RHBDD1: variants seen among roughly 807,000 people sequenced by gnomAD.
RHBDD1 encodes the protein rhomboid-related protein 4.
A neutral mutation model predicts 36.3 loss-of-function variants in RHBDD1; 38 were observed. The ratio of observed to expected loss-of-function variants is 1.05; its 90% CI spans 0.81 to 1.37. The LOEUF (loss-of-function observed/expected upper bound fraction) is 1.37. Among genes scored for constraint, RHBDD1 ranks in the 40% most tolerant of loss-of-function variants. RHBDD1 has a pLI of 0.00. For synonymous variants in RHBDD1, 151 were observed against 136.5 expected (o/e 1.11, Z -0.74); for missense variants, 393 against 377.6 (o/e 1.04, Z -0.34).
chr2:226,834,071 G>A (rs1473509885), upstream of RHBDD1, among the ~76,000 whole-genome samples: 1 of 136,688 alleles, frequency 7.3e-6, no homozygotes, highest in Non-Finnish European at 1.5e-5. Context: ...TTCTTAATCC[G>A]TATATATTTC....
At chr2:226,894,431 T>C (rs974069069) in intron 5 of RHBDD1, among the ~76,000 whole-genome samples, 22 of 152,106 alleles carry the variant, frequency 1.4e-4, no homozygotes, top group African/African-American at 5.1e-4. Context: ...CCACCACACA[T>C]GGCAAATTTT....
chr2:226,914,418 G>A, intron 8 of RHBDD1, 67 bp downstream of exon 8: 8 of 1,507,382 alleles, frequency 5.3e-6, no homozygotes, highest in Non-Finnish European at 6.3e-6. Context: ...CTGAAAAAGA[G>A]CTATTTGTAG....
intron 7 of RHBDD1, among the ~76,000 whole-genome samples, chr2:226,911,999 C>T (rs781144462): frequency 2.0e-5 from 3 of 151,962 alleles, no homozygotes; most frequent in Admixed American, 6.6e-5. Flanking sequence ...CTTTCAAGGA[C>T]GTTCAGTAAA....
chr2:226,961,043 A>C (rs1260912073), intron 8 of RHBDD1, among the ~76,000 whole-genome samples: 5 of 152,162 alleles, frequency 3.3e-5, no homozygotes, highest in Non-Finnish European at 1.5e-5. Context: ...TAAAGCGTAA[A>C]AAGGGGTGGG....
At chr2:226,954,459 A>G (rs1355925639) in intron 8 of RHBDD1, among the ~76,000 whole-genome samples, 3 of 152,352 alleles carry the variant, frequency 2.0e-5, no homozygotes, top group South Asian at 2.1e-4. Flanking sequence ...TAGCTTTCCC[A>G]TGATACAAAT....
chr2:226,936,387 T>C lies in RHBDD1; in HGVS notation c.856+22036T>C, dbSNP rs187459531. Among the ~76,000 whole-genome samples, 3 of 152,220 alleles carry C rather than the reference T, an allele frequency of 2.0e-5. No homozygotes were observed. In the East Asian group the frequency reaches 5.8e-4, roughly 29 times the overall value. ...TGAAATTAGGTTCAATAATTTAAAA[T>C]ATTAACTGAAGCCCAGCCATTGCTT... On this transcript the variant is annotated intron_variant, in intron 8 of 8. Transcript: ENST00000392062.
intron 8 of RHBDD1, among the ~76,000 whole-genome samples, chr2:226,949,272 C>G (rs894763315): frequency 6.6e-6 from 1 of 152,302 alleles, no homozygotes; most frequent in Middle Eastern, 3.4e-3. Context: ...TTAGAAAAAA[C>G]TAAATTTCAT....
At chr2:226,995,167 T>C (rs1428975471) in intron 8 of RHBDD1, among the ~76,000 whole-genome samples, 1 of 151,624 alleles carries the variant, frequency 6.6e-6, no homozygotes, top group African/African-American at 2.4e-5. Context: ...TGGAGCACGA[T>C]GGAAGGAAAA....
intron 5 of RHBDD1, among the ~76,000 whole-genome samples, chr2:226,867,919 A>G (rs1055172240): frequency 4.6e-5 from 7 of 152,120 alleles, no homozygotes; most frequent in Admixed American, 2.0e-4. Flanking sequence ...GGGTTTCACC[A>G]TGTTGGCCAG....
intron 3 of RHBDD1, among the ~76,000 whole-genome samples, chr2:226,855,357 A>G (rs1943221836): frequency 6.6e-6 from 1 of 152,190 alleles, no homozygotes; most frequent in Admixed American, 6.5e-5. Flanking sequence ...AAAATAAAAA[A>G]CTAGCTGGGT....
At chr2:226,954,844 G>T (rs1455983092) in intron 8 of RHBDD1, among the ~76,000 whole-genome samples, 1 of 151,056 alleles carries the variant, frequency 6.6e-6, no homozygotes, top group Non-Finnish European at 1.5e-5. Context: ...AAGAAGAGAA[G>T]GAGTGAAGGG....
At chr2:226,929,302 A>G (rs1949863938) in intron 8 of RHBDD1, among the ~76,000 whole-genome samples, 1 of 152,146 alleles carries the variant, frequency 6.6e-6, no homozygotes, top group Non-Finnish European at 1.5e-5. Flanking sequence ...ATAATTTACC[A>G]TGAACAAATG....
rs1005131075 is a variant in RHBDD1, at chr2:226,846,331, G to T, written c.-91+6704G>T. On this transcript the variant is annotated intron_variant, in intron 3 of 8. Coordinates refer to ENST00000392062, the MANE Select transcript of RHBDD1 (RefSeq NM_001167608.3). ...AGAAATCAGAAAAGGAAAAATAGGG[G>T]CATATTTGATAGAGAATTTATCCCC... is the stretch of plus-strand genomic sequence containing the variant. Among the ~76,000 whole-genome samples, 5 of 152,154 alleles carry T rather than the reference G, an allele frequency of 3.3e-5. No individual in the cohort carries two copies. In the South Asian group the frequency reaches 6.2e-4, roughly 19 times the overall value.
At chr2:226,904,912 G>A (rs1447431684) in intron 5 of RHBDD1, among the ~76,000 whole-genome samples, 2 of 152,110 alleles carry the variant, frequency 1.3e-5, no homozygotes, top group Admixed American at 1.3e-4. Flanking sequence ...AACATCTAGT[G>A]GTTTTAACTT....
the RHBDD1 span, among the ~76,000 whole-genome samples, chr2:226,810,431 T>C: frequency 1.3e-5 from 2 of 150,156 alleles, no homozygotes; most frequent in Non-Finnish European, 2.9e-5. Flanking sequence ...TCTCAGCTAC[T>C]TGTGAGGCTG....
chr2:226,824,292 A>C, the RHBDD1 span, among the ~76,000 whole-genome samples: 6 of 152,180 alleles, frequency 3.9e-5, no homozygotes, highest in South Asian at 2.1e-4. Context: ...TTTCTAAGTA[A>C]ATTTGAAGAA....
intron 3 of RHBDD1, among the ~76,000 whole-genome samples, chr2:226,849,787 C>CTA (rs1444289716): frequency 6.6e-6 from 1 of 152,202 alleles, no homozygotes; most frequent in African/African-American, 2.4e-5. Flanking sequence ...ATATCTATAT[C>CTA]TATATCTATT....
At chr2:226,868,864 A>G (rs1176261634) in intron 5 of RHBDD1, among the ~76,000 whole-genome samples, 1 of 152,206 alleles carries the variant, frequency 6.6e-6, no homozygotes, top group Non-Finnish European at 1.5e-5. Context: ...AAAATCTTCA[A>G]AGTTTTCTTT....
intron 8 of RHBDD1, among the ~76,000 whole-genome samples, chr2:226,959,134 T>C (rs1952002200): frequency 6.6e-6 from 1 of 152,064 alleles, no homozygotes. Flanking sequence ...TGAGTCTCGG[T>C]TTCATAACTG....
Sources: allele counts gnomAD v4.1 joint callset (sites outside exome capture counted in the v4.1 genomes callset), GRCh38; gene constraint gnomAD v4.1.1; transcripts MANE v1.5; gene names NCBI Gene and HGNC (gene_info 2026-07-23, HGNC 2026-07-21).